Variants in OTUD7A observed in about 807,000 individuals in gnomAD.
OTUD7A encodes the protein OTU domain-containing protein 7A.
In OTUD7A, 12 loss-of-function variants were observed where a neutral mutation model predicts 65.7. That is an observed-to-expected ratio of 0.18 (90% confidence interval 0.12 to 0.30). The LOEUF (loss-of-function observed/expected upper bound fraction) is 0.30. Ranked by LOEUF, OTUD7A falls within the 10% of genes least tolerant of loss-of-function variation. The pLI, the probability that OTUD7A is intolerant of heterozygous loss-of-function variation, is 1.00. For missense variants in OTUD7A, 1,148 were observed against 1,304.8 expected, an observed-to-expected ratio of 0.88 and a Z score of 1.85; for synonymous variants, 641 against 586.3, an observed-to-expected ratio of 1.09 and a Z score of -1.35.
chr15:31,578,906 A>C (rs1034583208), intron 3 of OTUD7A, among the ~76,000 whole-genome samples: 1 of 152,180 alleles, frequency 6.6e-6, no homozygotes, highest in African/African-American at 2.4e-5. Context: ...TAAAATGTGT[A>C]AAACCAAGCT....
chr15:31,824,333 G>A (rs150831534), intron 1 of OTUD7A, among the ~76,000 whole-genome samples: 8 of 152,210 alleles, frequency 5.3e-5, no homozygotes, highest in South Asian at 2.1e-4. Flanking sequence ...AACACCTGCC[G>A]CTTTGCAAGG....
At chr15:31,869,781 C>T (rs1222339902) in intron 1 of OTUD7A, among the ~76,000 whole-genome samples, 1 of 152,208 alleles carries the variant, frequency 6.6e-6, no homozygotes, top group Non-Finnish European at 1.5e-5. Context: ...GGAGGGTACA[C>T]TTGAGCGGTT....
intron 1 of OTUD7A, among the ~76,000 whole-genome samples, chr15:31,829,305 CAACATGGTA>C (rs1896873898): frequency 6.6e-6 from 1 of 152,202 alleles, no homozygotes; most frequent in African/African-American, 2.4e-5. Flanking sequence ...CTGGCACCAT[CAACATGGTA>C]AGGAACAGGT....
intron 1 of OTUD7A, among the ~76,000 whole-genome samples, chr15:31,857,688 C>A (rs969668164): frequency 6.6e-6 from 1 of 152,194 alleles, no homozygotes; most frequent in African/African-American, 2.4e-5. Context: ...CAGACTGCCC[C>A]CCACGTCCTT....
rs139823653 is a variant in OTUD7A at position 31,808,857 on chromosome 15, C to A, written c.-100+61650G>T. On this transcript the variant is annotated intron_variant, in intron 1 of 12. Transcript: ENST00000307050. ...AGCTACAGAGCTGGACTGAAGGAGT[C>A]CAACTTCAGGCTGCGCAGGCCCCAC... Among the ~76,000 whole-genome samples, 67 of 152,354 alleles carry A rather than the reference C, an allele frequency of 4.4e-4. No homozygotes were observed. The East Asian group carries it at 7.7e-3, about 18-fold the overall frequency.
At chr15:31,616,807 G>C (rs574060571) in intron 3 of OTUD7A, among the ~76,000 whole-genome samples, 137 of 152,286 alleles carry the variant, frequency 9.0e-4, no homozygotes, top group Middle Eastern at 3.4e-3. Context: ...GCCTCCCAAA[G>C]TGCTGGGATT....
At chr15:31,584,732 T>C (rs1889477144) in intron 3 of OTUD7A, among the ~76,000 whole-genome samples, 1 of 152,180 alleles carries the variant, frequency 6.6e-6, no homozygotes, top group South Asian at 2.1e-4. Context: ...GTCTGGGTGC[T>C]TGCTGCAGAC....
chr15:31,506,141 T>C (rs890558112), intron 8 of OTUD7A, among the ~76,000 whole-genome samples: 13 of 152,276 alleles, frequency 8.5e-5, no homozygotes, highest in Non-Finnish European at 1.8e-4. Context: ...CTGTTAATTT[T>C]TGTAGTGCTT....
At chr15:31,610,615 ATATTTTTT>A (rs1376414910) in intron 3 of OTUD7A, among the ~76,000 whole-genome samples, 9 of 32,826 alleles carry the variant, frequency 2.7e-4, no homozygotes, top group Admixed American at 1.1e-3. Flanking sequence ...ATATATATAT[ATATTTTTT>A]TTTTTTTTTT....
chr15:31,767,836 G>GT lies in OTUD7A; in HGVS notation c.-100+102670dup. On this transcript the variant is annotated intron_variant, in intron 1 of 12. Transcript: ENST00000307050. Reference sequence around the variant, plus strand: ...TATCTTTGGAAAAGTTCTCTATGCTGTTTTTTCTCAATTCTGGATGCCTTC... The same window carrying GT: ...TATCTTTGGAAAAGTTCTCTATGCTGTTTTTTTCTCAATTCTGGATGCCTTC... 5 of 951,880 alleles carry GT rather than the reference G, an allele frequency of 5.3e-6. No individual in the cohort carries two copies. The South Asian group carries it at 5.5e-5, about 10-fold the overall frequency. The allele number at this position is 951,880 out of a possible 1,614,324, so 59.0% of individuals were successfully genotyped here. A position where few individuals can be genotyped will look rare whatever the true frequency, so the allele number is the denominator to read the frequency against.
intron 1 of OTUD7A, among the ~76,000 whole-genome samples, chr15:31,661,254 T>C (rs577754182): frequency 6.6e-6 from 1 of 152,336 alleles, no homozygotes; most frequent in South Asian, 2.1e-4. Flanking sequence ...TACTGGGGTT[T>C]TGTCTTACAT....
At chr15:31,486,184 C>T (rs1450383957) in intron 12 of OTUD7A, among the ~76,000 whole-genome samples, 1 of 152,220 alleles carries the variant, frequency 6.6e-6, no homozygotes, top group Admixed American at 6.5e-5. Context: ...GATTCTACAT[C>T]TCGAGCCACT....
intron 1 of OTUD7A, among the ~76,000 whole-genome samples, chr15:31,689,682 G>A (rs899033710): frequency 6.4e-4 from 98 of 152,080 alleles, no homozygotes; most frequent in Non-Finnish European, 1.1e-3. Context: ...CCCAACACAC[G>A]ATCCCACCCT....
intron 3 of OTUD7A, among the ~76,000 whole-genome samples, chr15:31,649,408 T>A (rs1891770358): frequency 6.6e-6 from 1 of 151,604 alleles, no homozygotes; most frequent in Non-Finnish European, 1.5e-5. Context: ...TTTTTTTAAC[T>A]TTTTTTTTGA....
At chr15:31,726,132 T>A (rs972357154) in intron 1 of OTUD7A, among the ~76,000 whole-genome samples, 1 of 152,074 alleles carries the variant, frequency 6.6e-6, no homozygotes, top group African/African-American at 2.4e-5. Flanking sequence ...AGCTCCTTTT[T>A]CTTCTCTGTC....
chr15:31,699,383 C>G (rs1395887023), intron 1 of OTUD7A, among the ~76,000 whole-genome samples: 2 of 152,138 alleles, frequency 1.3e-5, no homozygotes, highest in Non-Finnish European at 2.9e-5. Context: ...TCAGCCAATA[C>G]TGTTGTTTTT....
chr15:31,733,325 C>T (rs1379738223), intron 1 of OTUD7A, among the ~76,000 whole-genome samples: 1 of 152,220 alleles, frequency 6.6e-6, no homozygotes, highest in Non-Finnish European at 1.5e-5. Context: ...CCTCCACCAA[C>T]ACCCCCTCCT....
Position 31,509,670 on chromosome 15 carries a change from A to G in OTUD7A, c.894-5852T>C, listed in dbSNP as rs190491854. On this transcript the variant is annotated intron_variant, in intron 8 of 12. Transcript: ENST00000307050. ...CTTTTTGTAATTTTATTAAAAGTAT[A>G]TATTTTTACATATTTTGTATATAAA... Among the ~76,000 whole-genome samples, 601 of 152,160 alleles carry G rather than the reference A, an allele frequency of 3.9e-3. 4 individuals are homozygous for G. Among genetic ancestry groups the G allele is most frequent in the Non-Finnish European group, 6.7e-3 (457 of 67,990 alleles).
chr15:31,528,052 C>T (rs538729624), intron 6 of OTUD7A, among the ~76,000 whole-genome samples: 24 of 152,368 alleles, frequency 1.6e-4, no homozygotes, highest in Admixed American at 4.6e-4. Context: ...CACCCACCCA[C>T]GCACCCACTC....
Sources: allele counts gnomAD v4.1 joint callset (sites outside exome capture counted in the v4.1 genomes callset), GRCh38; gene constraint gnomAD v4.1.1; transcripts MANE v1.5; gene names NCBI Gene and HGNC (gene_info 2026-07-23, HGNC 2026-07-21).